USP39: variants seen among roughly 807,000 people sequenced by gnomAD.
The protein encoded by USP39 is ubiquitin carboxyl-terminal hydrolase 39.
A neutral mutation model predicts 66.4 loss-of-function variants in USP39; 38 were observed. The ratio of observed to expected loss-of-function variants is 0.57; its 90% CI spans 0.44 to 0.75. The LOEUF is 0.75. Among genes scored for constraint, USP39 ranks in the 30% least tolerant of loss-of-function variants. USP39 has a pLI of 0.00. For synonymous variants in USP39, 303 were observed against 274.6 expected, an observed-to-expected ratio of 1.10 and a Z score of -1.02; for missense variants, 608 against 714.4, an observed-to-expected ratio of 0.85 and a Z score of 1.70.
chr2:85,606,858 T>C (rs545986993), intron 1 of USP39: 2 of 150,004 alleles, frequency 1.3e-5, no homozygotes, highest in Non-Finnish European at 3.0e-5. Context: ...CTCGGCTCAC[T>C]GCAACCTCCG....
intron 1 of USP39, among the ~76,000 whole-genome samples, 159 bp from the exon 2 acceptor site, chr2:85,619,061 G>T (rs530008672): frequency 6.6e-5 from 10 of 152,076 alleles, no homozygotes; most frequent in African/African-American, 2.2e-4. Flanking sequence ...ATGAGCTACC[G>T]CGCCCGGCTA....
chr2:85,621,345 C>T, intron 2 of USP39, 140 bp from the exon 3 acceptor site: 1 of 656,262 alleles, frequency 1.5e-6, no homozygotes, highest in South Asian at 1.8e-5. Context: ...TAATCAGTGT[C>T]CCCCATGGTG....
In USP39 at chr2:85,630,827, T is replaced by C; in HGVS notation, c.830T>C (p.Phe277Ser). Residue 277 changes from phenylalanine to serine, a missense_variant, in exon 6 of 13, where the codon TTT becomes TCT. Phe to Ser is a radical substitution (Grantham distance 155). This residue lies in a region of USP39 where 17 missense variants were observed against 38.0 expected (regional missense o/e 0.45). Transcript: ENST00000323701. The part of the protein sequence containing the change: ...GDIMFLLVQR[F>S]GELMRKLWNP... Reference sequence around the variant, plus strand: ...ATCATGTTCTTGTTGGTCCAGCGTTTTGGAGAGCTGATGAGAAAGCTCTGG... The same window carrying C: ...ATCATGTTCTTGTTGGTCCAGCGTTCTGGAGAGCTGATGAGAAAGCTCTGG... 3.1e-6 allele frequency: 5 copies of C among 1,614,228 alleles called. No homozygotes were observed. Among genetic ancestry groups the C allele is most frequent in the Non-Finnish European group, 4.2e-6 (5 of 1,180,052 alleles).
At chr2:85,612,146 C>CG (rs896665115), upstream of USP39, 111 of 856,240 alleles carry the variant, frequency 1.3e-4, no homozygotes, top group African/African-American at 6.0e-4. Context: ...ACGGAGTTTT[C>CG]GGGTCTGGTC....
intron 9 of USP39, chr2:85,639,906 C>G (rs888661183): frequency 1.3e-5 from 2 of 152,704 alleles, no homozygotes; most frequent in African/African-American, 2.4e-5. Context: ...GAGACAGGGT[C>G]TAGCTTTATC....
At position 85,623,672 on chromosome 2, in the gene USP39, A is replaced by G. The variant is rs1461418416; in HGVS notation, c.460A>G (p.Ile154Val). The change falls in exon 4 of 13, where the codon ATT (isoleucine) becomes GTT (valine). Residue 154 changes from isoleucine (I) to valine (V), a missense_variant. Physicochemically the swap from Ile to Val is conservative, Grantham distance 29. Transcript: ENST00000323701. ...QGRGLKSHAY[I>V]HSVQFSHHVF... ...CCGGGGTTTGAAGTCTCACGCCTAC[A>G]TTCACAGTGTCCAGTTTAGCCACCA... 3 of 1,613,648 alleles carry G rather than the reference A, an allele frequency of 1.9e-6. No homozygotes were observed. The highest frequency in any genetic ancestry group is 3.3e-5 in the Admixed American group (2 of 59,918).
intron 10 of USP39, among the ~76,000 whole-genome samples, chr2:85,643,299 G>C (rs1676389720): frequency 1.3e-5 from 2 of 151,936 alleles, no homozygotes; most frequent in African/African-American, 4.8e-5. Context: ...GACCATCCTG[G>C]CTAACACGGT....
At chr2:85,630,305 G>T (rs907368581) in intron 5 of USP39, among the ~76,000 whole-genome samples, 5 of 152,092 alleles carry the variant, frequency 3.3e-5, no homozygotes, top group Admixed American at 3.3e-4. Flanking sequence ...TGTTTCCTAG[G>T]TAGTTATTTT....
Position 85,640,897 on chromosome 2 carries a change from C to G in USP39, c.1285-79C>G, listed in dbSNP as rs138332182. On this transcript the variant is annotated intron_variant, in intron 9 of 12. Transcript: ENST00000323701. ...GAGGCAAAATTATATTTTAAAAAAT[C>G]GAAATGAAAAACTCATGCCCCTGCT... is the stretch of plus-strand genomic sequence containing the variant. 129 of 1,300,802 alleles carry G rather than the reference C, an allele frequency of 9.9e-5. No homozygotes were observed. In the East Asian group the frequency reaches 2.3e-3, roughly 23 times the overall value. 80.6% of individuals were successfully genotyped at this position (1,300,802 alleles called of 1,614,324 possible). A position where few individuals can be genotyped will look rare whatever the true frequency, so the allele number is the denominator to read the frequency against.
intron 6 of USP39, among the ~76,000 whole-genome samples, chr2:85,632,745 G>A (rs988393227): frequency 1.3e-5 from 2 of 152,132 alleles, no homozygotes; most frequent in African/African-American, 4.8e-5. Flanking sequence ...ACCACGCCCG[G>A]CTCAACTATC....
At chr2:85,616,576 T>TTG in intron 1 of USP39, 113 bp downstream of exon 1, 1 of 137,064 alleles carries the variant, frequency 7.3e-6, no homozygotes, top group South Asian at 5.6e-5. Context: ...GGGGTGGGGT[T>TTG]GGGGTGGAGA....
chr2:85,611,689 C>G, upstream of USP39: 1 of 1,575,238 alleles, frequency 6.3e-7, no homozygotes, highest in South Asian at 1.2e-5. Flanking sequence ...GGCAGGTACA[C>G]CTGCAGGTCT....
At chr2:85,644,737 T>A (rs1009798540) in intron 10 of USP39, among the ~76,000 whole-genome samples, 10 of 151,814 alleles carry the variant, frequency 6.6e-5, no homozygotes, top group Middle Eastern at 3.2e-3. Flanking sequence ...TTTTTTTTTT[T>A]AAATCATATG....
chr2:85,623,228 G>A (rs188313661), intron 3 of USP39, among the ~76,000 whole-genome samples: 96 of 152,164 alleles, frequency 6.3e-4, no homozygotes, highest in Non-Finnish European at 1.0e-3. Flanking sequence ...AGTGATGATG[G>A]ACTGTCATAG....
At chr2:85,644,918 TTA>T in intron 10 of USP39, 28 bp from the exon 11 acceptor site, 1 of 1,613,406 alleles carries the variant, frequency 6.2e-7, no homozygotes, top group Non-Finnish European at 8.5e-7. Flanking sequence ...CTTTGTCTGA[TTA>T]TTCCGGCTTT....
chr2:85,619,147 C>G, intron 1 of USP39, 73 bp from the exon 2 acceptor site: 1 of 1,522,718 alleles, frequency 6.6e-7, no homozygotes. Flanking sequence ...ATTTCTGTTT[C>G]TTTTTTTGTT....
intron 7 of USP39, among the ~76,000 whole-genome samples, chr2:85,636,461 CT>C (rs561999907): frequency 4.8e-4 from 73 of 152,218 alleles, no homozygotes; most frequent in African/African-American, 1.7e-3. Flanking sequence ...GAATAGGCCC[CT>C]CTCCATAGTT....
chr2:85,609,315 C>T (rs1465235626), upstream of USP39: 5 of 1,420,430 alleles, frequency 3.5e-6, no homozygotes, highest in African/African-American at 4.3e-5. Context: ...CAGGCCTAGA[C>T]TCACATGTGG....
In USP39 at chr2:85,639,382, C is replaced by T; in HGVS notation, c.1275C>T (p.Ile425=). The part of the protein sequence containing the change: ...LFNILAKFNG[I]TEKEYKTYKE... ...ACATCCTGGCTAAGTTCAATGGCAT[C>T]ACTGAGAAGGTAGCCCATTAACACA... The change falls in exon 9 of 13, where the codon ATC becomes ATT. Residue 425 remains isoleucine (I), a synonymous_variant. Transcript: ENST00000323701. 6.2e-7 allele frequency: 1 copy of T among 1,613,650 alleles called. No individual in the cohort carries two copies. The highest frequency in any genetic ancestry group is 8.5e-7 in the Non-Finnish European group (1 of 1,179,800).
Sources: allele counts gnomAD v4.1 joint callset (sites outside exome capture counted in the v4.1 genomes callset), GRCh38; gene constraint gnomAD v4.1.1; regional missense constraint gnomAD v4.1.1; transcripts MANE v1.5; gene names NCBI Gene and HGNC (gene_info 2026-07-23, HGNC 2026-07-21).